The following NIPBL variants were observed in gnomAD, a reference collection of about 807,000 sequenced individuals.
The protein encoded by NIPBL is NIPBL cohesin loading factor, also known as nipped-B-like protein.
Under a neutral mutation model 321.8 loss-of-function variants are expected in NIPBL, and 19 were observed. The observed-to-expected ratio is 0.06, with a 90% CI of 0.04 to 0.09. NIPBL has a LOEUF of 0.09. Ranked by LOEUF, NIPBL falls within the 10% of genes least tolerant of loss-of-function variation. The probability of loss-of-function intolerance (pLI) is 1.00; values close to 1 mark genes in which losing one functional copy is unlikely to be tolerated. For missense variants in NIPBL, 2,210 were observed against 3,327.0 expected (o/e 0.66, Z 8.26); for synonymous variants, 1,106 against 1,114.1 (o/e 0.99, Z 0.14).
chr5:37,063,951 G>A lies in NIPBL; in HGVS notation c.8022G>A (p.Gly2674=). Residue 2674 remains glycine (G), a synonymous_variant, in exon 46 of 47, where the codon GGG becomes GGA. Coordinates refer to ENST00000282516, the MANE Select transcript of NIPBL (RefSeq NM_133433.4). ...AAETEDDESD[G]EDRGGGTSGS... ...AGACAGAAGATGATGAAAGTGATGGGGAGGATAGAGGAGGAGGCACTTCAG... is the reference window on the plus strand; with the variant it reads ...AGACAGAAGATGATGAAAGTGATGGAGAGGATAGAGGAGGAGGCACTTCAG... 1 of 1,614,038 alleles carries A rather than the reference G, an allele frequency of 6.2e-7. No individual in the cohort carries two copies. Among genetic ancestry groups the A allele is most frequent in the South Asian group, 1.1e-5 (1 of 91,036 alleles).
intron 1 of NIPBL, among the ~76,000 whole-genome samples, chr5:36,906,440 T>A (rs1361365475): frequency 6.6e-6 from 1 of 152,210 alleles, no homozygotes; most frequent in Non-Finnish European, 1.5e-5. Flanking sequence ...TATCATCCTG[T>A]TAAAATCATT....
intron 23 of NIPBL, 111 bp from the exon 24 acceptor site, chr5:37,016,908 A>C (rs1273387954): frequency 5.8e-6 from 5 of 863,314 alleles, no homozygotes; most frequent in Non-Finnish European, 6.8e-6. Flanking sequence ...CAGGAAAAAA[A>C]AAAGTTTAAA....
At chr5:36,972,500 A>G (rs1273206053) in intron 8 of NIPBL, among the ~76,000 whole-genome samples, 2 of 151,464 alleles carry the variant, frequency 1.3e-5, no homozygotes, top group Non-Finnish European at 1.5e-5. Context: ...ACCTTTTATC[A>G]CTCATTGTAC....
At chr5:37,012,184 TC>T (rs1245755308) in intron 21 of NIPBL, among the ~76,000 whole-genome samples, 1 of 151,246 alleles carries the variant, frequency 6.6e-6, no homozygotes, top group Non-Finnish European at 1.5e-5. Flanking sequence ...AGGGTCTCAC[TC>T]TGTTGCCCAG....
At chr5:37,025,789 C>T (rs948327707) in intron 30 of NIPBL, among the ~76,000 whole-genome samples, 1 of 151,950 alleles carries the variant, frequency 6.6e-6, no homozygotes, top group Non-Finnish European at 1.5e-5. Flanking sequence ...TAAATGTGTA[C>T]AGCTATTATG....
intron 34 of NIPBL, among the ~76,000 whole-genome samples, chr5:37,039,538 T>C (rs1752096406): frequency 6.6e-6 from 1 of 152,064 alleles, no homozygotes; most frequent in African/African-American, 2.4e-5. Flanking sequence ...ATGAAGTAGG[T>C]ACTATTATCT....
rs1319082235 is a variant in NIPBL, at chr5:36,985,242, C to A, written c.2062C>A (p.Gln688Lys). The part of the protein sequence containing the change: ...LSDTKPNDNK[Q>K]NNGRSETTKS... ...TGACACAAAACCAAATGACAACAAACAAAATAATGGCAGATCAGAAACAAC... is the reference window on the plus strand; with the variant it reads ...TGACACAAAACCAAATGACAACAAAAAAAATAATGGCAGATCAGAAACAAC... The change falls in exon 10 of 47, where the codon CAA becomes AAA. Residue 688 changes from glutamine (Q) to lysine (K), a missense_variant. Physicochemically the swap from Gln to Lys is moderately conservative, Grantham distance 53. Coordinates refer to ENST00000282516, the MANE Select transcript of NIPBL (RefSeq NM_133433.4). 6.2e-7 allele frequency: 1 copy of A among 1,613,590 alleles called. No individual in the cohort carries two copies. Among genetic ancestry groups the A allele is most frequent in the South Asian group, 1.1e-5 (1 of 91,068 alleles).
At chr5:37,053,786 G>T (rs1753809323) in intron 42 of NIPBL, among the ~76,000 whole-genome samples, 1 of 152,168 alleles carries the variant, frequency 6.6e-6, no homozygotes, top group Admixed American at 6.5e-5. Context: ...TATTTATTCT[G>T]CATCTGCTAT....
chr5:36,925,596 T>C (rs1561393359), intron 1 of NIPBL, among the ~76,000 whole-genome samples: 1 of 152,128 alleles, frequency 6.6e-6, no homozygotes, highest in Non-Finnish European at 1.5e-5. Context: ...AACTCTGAGG[T>C]AGGCACTATT....
chr5:36,966,362 T>G (rs536806368), intron 6 of NIPBL, among the ~76,000 whole-genome samples: 9 of 152,228 alleles, frequency 5.9e-5, no homozygotes, highest in African/African-American at 2.2e-4. Context: ...TTTCTGTATT[T>G]CCTATCAAGT....
chr5:37,045,228 A>G (rs1000328390), intron 36 of NIPBL, among the ~76,000 whole-genome samples: 3 of 151,816 alleles, frequency 2.0e-5, no homozygotes, highest in Admixed American at 2.0e-4. Context: ...GTGGCACACG[A>G]CTGTAATCCC....
chr5:36,918,561 G>A (rs1170630461), intron 1 of NIPBL, among the ~76,000 whole-genome samples: 2 of 152,094 alleles, frequency 1.3e-5, no homozygotes, highest in African/African-American at 4.8e-5. Context: ...CCAACACTAT[G>A]TTGAATAGGA....
intron 1 of NIPBL, among the ~76,000 whole-genome samples, chr5:36,943,503 T>C (rs998183371): frequency 1.4e-4 from 22 of 152,214 alleles, no homozygotes; most frequent in African/African-American, 5.3e-4. Context: ...TCCAAGCAGC[T>C]TTGTAGAAAC....
Position 37,014,679 on chromosome 5 carries a change from C to T in NIPBL, c.4561-4C>T. ...CTTTATAAACTCACTTTTTTTCATT[C>T]TAGATTGACCAGGATGTTGTCATTA... On this transcript the variant is annotated splice_region_variant and splice_polypyrimidine_tract_variant and intron_variant, in intron 21 of 46. Coordinates refer to ENST00000282516, the MANE Select transcript of NIPBL (RefSeq NM_133433.4). 1.3e-6 allele frequency: 2 copies of T among 1,584,722 alleles called. No individual in the cohort carries two copies. The highest frequency in any genetic ancestry group is 2.2e-5 in the East Asian group (1 of 44,614).
At chr5:36,992,632 A>G (rs1170577395) in intron 10 of NIPBL, among the ~76,000 whole-genome samples, 1 of 152,068 alleles carries the variant, frequency 6.6e-6, no homozygotes, top group Non-Finnish European at 1.5e-5. Context: ...CTCCCATCTC[A>G]GCCTCCAAAT....
At chr5:37,002,825 A>T in intron 15 of NIPBL, 60 bp downstream of exon 15, 1 of 993,350 alleles carries the variant, frequency 1.0e-6, no homozygotes, top group Non-Finnish European at 1.6e-6. Flanking sequence ...AATTAATTTA[A>T]GGTTTTCAGG....
At chr5:37,020,992 T>C (rs755274435) in intron 27 of NIPBL, 115 bp downstream of exon 27, 3 of 853,066 alleles carry the variant, frequency 3.5e-6, no homozygotes, top group Admixed American at 1.8e-5. Flanking sequence ...AGATCATAGA[T>C]GTAGTATTTG....
chr5:36,901,355 A>G (rs1387299520), intron 1 of NIPBL, among the ~76,000 whole-genome samples: 2 of 152,146 alleles, frequency 1.3e-5, no homozygotes, highest in Non-Finnish European at 2.9e-5. Flanking sequence ...GTTGGTGGGC[A>G]TCTAGGTTGA....
intron 1 of NIPBL, among the ~76,000 whole-genome samples, chr5:36,902,782 T>C (rs1280914496): frequency 1.3e-5 from 2 of 152,022 alleles, no homozygotes; most frequent in Non-Finnish European, 2.9e-5. Flanking sequence ...GTTTTTTGGT[T>C]TTTTTTCCTA....
Sources: gnomAD v4.1 joint callset for allele counts (sites outside exome capture counted in the v4.1 genomes callset) on GRCh38, gnomAD v4.1.1 for gene constraint, MANE v1.5 for transcripts, NCBI Gene and HGNC (gene_info 2026-07-23, HGNC 2026-07-21) for gene names.